TENM2: variants seen among roughly 807,000 people sequenced by gnomAD.
The protein encoded by TENM2 is teneurin-2.
A neutral mutation model predicts 245.2 loss-of-function variants in TENM2; 52 were observed. The ratio of observed to expected loss-of-function variants is 0.21; its 90% CI spans 0.17 to 0.27. The LOEUF (loss-of-function observed/expected upper bound fraction) is 0.27, where lower values mean the gene tolerates loss of function less well. Ranked by LOEUF, TENM2 falls within the 10% of genes least tolerant of loss-of-function variation. TENM2 has a pLI of 1.00. For missense variants in TENM2, 3,046 were observed against 3,666.8 expected, an observed-to-expected ratio of 0.83 and a Z score of 4.37; for synonymous variants, 1,363 against 1,438.9, an observed-to-expected ratio of 0.95 and a Z score of 1.19.
At chr5:167,660,503 C>CA (rs772022232) in intron 2 of TENM2, 4 of 144,324 alleles carry the variant, frequency 2.8e-5, no homozygotes, top group Non-Finnish European at 6.1e-5. Flanking sequence ...GATATTACAC[C>CA]AAAATTAAAT....
chr5:167,232,721 G>T, the TENM2 span, among the ~76,000 whole-genome samples: 5 of 151,682 alleles, frequency 3.3e-5, no homozygotes, highest in South Asian at 1.0e-3. Context: ...TCTTCACAGC[G>T]GTGTGAGAAC....
Position 168,118,402 on chromosome 5 carries a change from G to A in TENM2, c.1924G>A (p.Asp642Asn), listed in dbSNP as rs780213706. 9.9e-6 allele frequency: 16 copies of A among 1,611,428 alleles called. No homozygotes were observed. Among genetic ancestry groups the A allele is most frequent in the South Asian group, 7.7e-5 (7 of 90,824 alleles). The stretch of plus-strand genomic sequence containing the variant: ...CGACGTGCCCATGAATCAGTGCATC[G>A]ATCCTTCCTGCGGGGGCCACGGCTC... The change falls in exon 10 of 29, where the codon GAT becomes AAT. Residue 642 changes from aspartate to asparagine, a missense_variant. This residue lies in a region of TENM2 where 2,704 missense variants were observed against 3,331.9 expected (regional missense o/e 0.81). Transcript: ENST00000518659.
chr5:168,135,466 G>C (rs1474102745), intron 12 of TENM2, among the ~76,000 whole-genome samples: 1 of 152,096 alleles, frequency 6.6e-6, no homozygotes, highest in Non-Finnish European at 1.5e-5. Context: ...AAACCTGCCA[G>C]TCAAAAATGG....
the TENM2 span, among the ~76,000 whole-genome samples, chr5:167,242,236 G>A: frequency 1.3e-5 from 2 of 151,966 alleles, no homozygotes; most frequent in Non-Finnish European, 2.9e-5. Context: ...TTTTAGTAGA[G>A]ATGGGGTTTC....
intron 2 of TENM2, among the ~76,000 whole-genome samples, chr5:167,712,436 A>G (rs1758972180): frequency 6.6e-6 from 1 of 152,210 alleles, no homozygotes; most frequent in Non-Finnish European, 1.5e-5. Flanking sequence ...CAACACAGCA[A>G]GTTTTCCCCC....
At chr5:167,096,225 C>T in the TENM2 span, among the ~76,000 whole-genome samples, 1 of 152,224 alleles carries the variant, frequency 6.6e-6, no homozygotes, top group African/African-American at 2.4e-5. Flanking sequence ...GCTGATACTA[C>T]ATCTATCACC....
the TENM2 span, among the ~76,000 whole-genome samples, chr5:167,134,352 T>C: frequency 3.9e-5 from 6 of 152,332 alleles, no homozygotes; most frequent in African/African-American, 1.2e-4. Context: ...ACAATGAATT[T>C]TGATTTTTTT....
At chr5:167,456,704 A>G (rs1451281541) in intron 2 of TENM2, among the ~76,000 whole-genome samples, 1 of 152,168 alleles carries the variant, frequency 6.6e-6, no homozygotes, top group African/African-American at 2.4e-5. Context: ...GAGCTTATCT[A>G]TTTCTAATTT....
intron 1 of TENM2, among the ~76,000 whole-genome samples, chr5:167,321,979 C>G (rs1756777450): frequency 6.6e-6 from 1 of 151,764 alleles, no homozygotes; most frequent in Non-Finnish European, 1.5e-5. Flanking sequence ...CAGGCATGCA[C>G]CACCACGTCT....
the TENM2 span, among the ~76,000 whole-genome samples, chr5:167,084,357 A>ATATATATATATATATATG: frequency 5.2e-5 from 6 of 115,716 alleles, no homozygotes; most frequent in Non-Finnish European, 9.4e-5. Context: ...ATATATATAT[A>ATATATATATATATATATG]TATATATATA....
chr5:167,695,147 C>T lies in TENM2; in HGVS notation c.503-180839C>T, dbSNP rs1342898678. On this transcript the variant is annotated intron_variant, in intron 2 of 28. Transcript: ENST00000518659. ...TTCCAGAGTATGGGAGCTACACATA[C>T]CATAGGCACAGCACCTGCAGTGGCA... Among the ~76,000 whole-genome samples, 8 of 152,260 alleles carry T rather than the reference C, an allele frequency of 5.3e-5. No homozygotes were observed. In the South Asian group the frequency reaches 6.2e-4, roughly 12 times the overall value.
At chr5:167,413,339 A>G (rs1213394627) in intron 2 of TENM2, among the ~76,000 whole-genome samples, 1 of 152,064 alleles carries the variant, frequency 6.6e-6, no homozygotes, top group Non-Finnish European at 1.5e-5. Flanking sequence ...TCTTCTCTCT[A>G]TTTAACCTAC....
intron 5 of TENM2, among the ~76,000 whole-genome samples, chr5:168,017,800 T>C (rs896023708): frequency 2.6e-5 from 4 of 152,180 alleles, no homozygotes; most frequent in African/African-American, 9.6e-5. Flanking sequence ...AGGTTTCATA[T>C]GTCAGGAGTA....
chr5:167,106,508 T>A, the TENM2 span, among the ~76,000 whole-genome samples: 1 of 152,190 alleles, frequency 6.6e-6, no homozygotes, highest in Non-Finnish European at 1.5e-5. Context: ...AAAAGGTGAT[T>A]TGGAATCAAA....
chr5:167,816,495 G>C (rs76469278), intron 2 of TENM2, among the ~76,000 whole-genome samples: 4 of 152,208 alleles, frequency 2.6e-5, no homozygotes, highest in Non-Finnish European at 4.4e-5. Flanking sequence ...CCAATTTAAA[G>C]ATAGCCTTAA....
intron 2 of TENM2, chr5:167,754,875 T>C (rs1762195300): frequency 4.1e-6 from 3 of 729,588 alleles, no homozygotes; most frequent in Non-Finnish European, 6.0e-6. Context: ...AACCTCATGC[T>C]GAGGCTGTCT....
intron 2 of TENM2, among the ~76,000 whole-genome samples, chr5:167,470,454 C>CTTGTTTTTTTTTT (rs1766940200): frequency 4.2e-5 from 2 of 47,394 alleles, no homozygotes; most frequent in Non-Finnish European, 7.3e-5. Context: ...GCAATGCTTG[C>CTTGTTTTTTTTTT]TTTTTTTTTT....
At chr5:167,705,611 C>T (rs1315963451) in intron 2 of TENM2, among the ~76,000 whole-genome samples, 1 of 152,102 alleles carries the variant, frequency 6.6e-6, no homozygotes, top group Non-Finnish European at 1.5e-5. Flanking sequence ...TATCATAACA[C>T]TCAATTAGAG....
chr5:168,160,847 A>G (rs1483155192), intron 12 of TENM2, among the ~76,000 whole-genome samples: 7 of 152,054 alleles, frequency 4.6e-5, no homozygotes, highest in Admixed American at 4.6e-4. Flanking sequence ...GCAACATAGC[A>G]AGACCCAATC....
Sources: gnomAD v4.1 joint callset for allele counts (sites outside exome capture counted in the v4.1 genomes callset) on GRCh38, gnomAD v4.1.1 for gene constraint, gnomAD v4.1.1 regional missense constraint, MANE v1.5 for transcripts, NCBI Gene and HGNC (gene_info 2026-07-23, HGNC 2026-07-21) for gene names.